AP1B1: variants seen among roughly 807,000 people sequenced by gnomAD.
AP1B1 encodes the protein AP-1 complex subunit beta-1.
In AP1B1, 36 loss-of-function variants were observed where a neutral mutation model predicts 104.3. The ratio of observed to expected loss-of-function variants is 0.35; its 90% confidence interval spans 0.26 to 0.46. The LOEUF (loss-of-function observed/expected upper bound fraction) is 0.46. Among genes scored for constraint, AP1B1 ranks in the 20% least tolerant of loss-of-function variants. The probability of loss-of-function intolerance (pLI) is 1.00; values close to 1 mark genes in which losing one functional copy is unlikely to be tolerated. For synonymous variants in AP1B1, 504 were observed against 517.5 expected (o/e 0.97, Z 0.35); for missense variants, 901 against 1,247.9 (o/e 0.72, Z 4.19).
Position 29,340,679 on chromosome 22 carries a change from G to T in AP1B1, c.1975C>A (p.Leu659Ile). 1 of 1,570,774 alleles carries T rather than the reference G, an allele frequency of 6.4e-7. No individual in the cohort carries two copies. The highest frequency in any genetic ancestry group is 2.3e-5 in the East Asian group (1 of 43,094). The change falls in exon 14 of 23, where the codon CTT (leucine) becomes ATT (isoleucine). Residue 659 changes from leucine to isoleucine, a missense_variant. Leu to Ile is a conservative substitution (Grantham distance 5). Around this residue, in one of 3 missense-constraint regions of AP1B1, gnomAD observed 424 missense variants for 494.0 expected, o/e 0.86. Transcript: ENST00000357586. ...SSVQMGAVDL[L>I]GGGLDSLMGD... Reference sequence around the variant, plus strand: ...ACCAGGCTGTCAAGGCCACCGCCAAGAAGGTCCACAGCTCCCATCTGCACC... The same window carrying T: ...ACCAGGCTGTCAAGGCCACCGCCAATAAGGTCCACAGCTCCCATCTGCACC...
rs375435939 is a variant in AP1B1 at position 29,358,738 on chromosome 22, G to A, written c.513C>T (p.Asp171=). The A allele has an allele frequency of 6.2e-7, 1 of 1,612,650 alleles. No homozygotes were observed. Among genetic ancestry groups the A allele is most frequent in the African/African-American group, 1.3e-5 (1 of 74,924 alleles). ...FLDTLKDLIS[D]SNPMVVANAV... The stretch of plus-strand genomic sequence containing the variant: ...GGCAGTGGCTTACCATGGGGTTAGA[G>A]TCGGAGATGAGGTCTTTAAGGGTGT... The change falls in exon 5 of 23, where the codon GAC becomes GAT. Residue 171 remains aspartate (D), a synonymous_variant. Transcript: ENST00000357586.
At chr22:29,359,778 A>C in intron 4 of AP1B1, 46 bp downstream of exon 4, 1 of 1,578,496 alleles carries the variant, frequency 6.3e-7, no homozygotes, top group Non-Finnish European at 8.6e-7. Flanking sequence ...GGGGAGACAG[A>C]GCCTTAAGCA....
intron 17 of AP1B1, chr22:29,332,161 C>G (rs2061571681): frequency 2.3e-6 from 1 of 433,044 alleles, no homozygotes; most frequent in Non-Finnish European, 4.1e-6. Flanking sequence ...GGCTGCAGGC[C>G]TGAAGCCCAG....
rs566593823 is a variant in AP1B1 at position 29,371,602 on chromosome 22, G to A, written c.-27-4332C>T. 7.2e-5 allele frequency among the ~76,000 whole-genome samples: 11 copies of A among 152,222 alleles called. No individual in the cohort carries two copies. In the East Asian group the frequency reaches 1.2e-3, roughly 16 times the overall value. ...AAAAATTAGCCGGGTGTGGTGGCAC[G>A]TGCCTGTAGTTCCAGTTACTCAGGA... On this transcript the variant is annotated intron_variant, in intron 1 of 22. Coordinates refer to ENST00000357586, the MANE Select transcript of AP1B1 (RefSeq NM_001127.4).
intron 10 of AP1B1, 137 bp downstream of exon 10, chr22:29,349,898 A>G: frequency 1.4e-6 from 1 of 737,162 alleles, no homozygotes; most frequent in Non-Finnish European, 2.3e-6. Context: ...ACGAAATAAA[A>G]AACAAAGGGT....
At chr22:29,377,195 CAAAAAAAAAAA>C (rs34466410) in intron 1 of AP1B1, among the ~76,000 whole-genome samples, 1 of 64,678 alleles carries the variant, frequency 1.5e-5, no homozygotes, top group Non-Finnish European at 2.7e-5. Flanking sequence ...GACCCTGTCT[CAAAAAAAAAAA>C]AAAAAAAAAA....
intron 6 of AP1B1, 103 bp from the exon 7 acceptor site, chr22:29,354,974 G>A (rs1203794845): frequency 2.3e-5 from 24 of 1,039,576 alleles, no homozygotes; most frequent in Admixed American, 1.1e-4. Flanking sequence ...GATAGTTCAC[G>A]CCTGTAATCC....
At chr22:29,334,077 C>T (rs551007051) in intron 17 of AP1B1, among the ~76,000 whole-genome samples, 188 bp downstream of exon 17, 2 of 152,110 alleles carry the variant, frequency 1.3e-5, no homozygotes, top group Non-Finnish European at 2.9e-5. Flanking sequence ...AAAGAAAAAA[C>T]AAACAAACAA....
rs966615357 is a variant in AP1B1 at position 29,328,621 on chromosome 22, G to A, written c.*200C>T. On this transcript the variant is annotated 3_prime_UTR_variant, in exon 23 of 23. Coordinates refer to ENST00000357586, the MANE Select transcript of AP1B1 (RefSeq NM_001127.4). This position sits in a 1 kb window ranked among gnomAD's most constrained non-coding sequence, Gnocchi z 4.1. Reference sequence around the variant, plus strand: ...CAGGAGCAGGGGTGTCCCAGAGCACGGGAGTGCACTGCGCTCTCACCCCAG... The same window carrying A: ...CAGGAGCAGGGGTGTCCCAGAGCACAGGAGTGCACTGCGCTCTCACCCCAG... The A allele has an allele frequency of 1.3e-5, 8 of 604,670 alleles. No individual in the cohort carries two copies. Among genetic ancestry groups the A allele is most frequent in the African/African-American group, 5.6e-5 (3 of 53,594 alleles). 37.5% of individuals were successfully genotyped at this position (604,670 alleles called of 1,614,324 possible).
intron 7 of AP1B1, among the ~76,000 whole-genome samples, chr22:29,352,158 A>G (rs1190996764): frequency 1.3e-5 from 2 of 152,204 alleles, no homozygotes; most frequent in African/African-American, 4.8e-5. Context: ...CTGTGACCTC[A>G]GGCCTGTTTC....
At position 29,351,209 on chromosome 22, in the gene AP1B1, C is replaced by A. The variant is rs762717971; in HGVS notation, c.1117G>T (p.Ala373Ser). 2 of 1,614,038 alleles carry A rather than the reference C, an allele frequency of 1.2e-6. No homozygotes were observed. The highest frequency in any genetic ancestry group is 1.1e-5 in the South Asian group (1 of 91,080). The change falls in exon 9 of 23, where the codon GCT becomes TCT. Residue 373 changes from alanine (A) to serine (S), a missense_variant. Coordinates refer to ENST00000357586, the MANE Select transcript of AP1B1 (RefSeq NM_001127.4). ...TEVDVDFVRKAVRAIGRCAIK... is the reference protein window; with the variant it reads ...TEVDVDFVRKSVRAIGRCAIK... ...GCGCAGCGGCCAATAGCACGCACAG[C>A]CTTCCGTACAAAGTCCACATCCACT...
At chr22:29,375,079 G>A (rs1054919494) in intron 1 of AP1B1, among the ~76,000 whole-genome samples, 11 of 152,202 alleles carry the variant, frequency 7.2e-5, no homozygotes, top group East Asian at 1.9e-4. Flanking sequence ...GGCCGGGCGC[G>A]GTGGCTCATG....
chr22:29,355,290 T>G (rs543768705), intron 6 of AP1B1, among the ~76,000 whole-genome samples: 2 of 151,840 alleles, frequency 1.3e-5, no homozygotes, highest in African/African-American at 4.8e-5. Context: ...GACCCTTCTC[T>G]ACTAAAAATA....
chr22:29,331,779 G>C lies in AP1B1; in HGVS notation c.2439+8C>G. The C allele has an allele frequency of 6.2e-7, 1 of 1,614,170 alleles. No homozygotes were observed. Among genetic ancestry groups the C allele is most frequent in the Non-Finnish European group, 8.5e-7 (1 of 1,180,028 alleles). Reference sequence around the variant, plus strand: ...AGGACTGGGGTGCCTGCCCTGCCCGGAACCCACCTGGAGGTTGTTCAGAGG... The same window carrying C: ...AGGACTGGGGTGCCTGCCCTGCCCGCAACCCACCTGGAGGTTGTTCAGAGG... On this transcript the variant is annotated splice_region_variant and intron_variant, in intron 18 of 22. Coordinates refer to ENST00000357586, the MANE Select transcript of AP1B1 (RefSeq NM_001127.4).
intron 1 of AP1B1, among the ~76,000 whole-genome samples, chr22:29,388,221 C>T (rs965237062): frequency 7.9e-5 from 12 of 152,132 alleles, no homozygotes; most frequent in Non-Finnish European, 1.8e-4. Flanking sequence ...ATGGGGCGGC[C>T]GAGGAACAGG....
chr22:29,340,714 G>T lies in AP1B1; in HGVS notation c.1940C>A (p.Ala647Asp). ...AGCTCCCATCTGCACCGAGGAGGTG[G>T]CCAGGGGTGGGCCGCTCACTGGGGG... ...LGPPVSGPPLATSSVQMGAVD... is the reference protein window; with the variant it reads ...LGPPVSGPPLDTSSVQMGAVD... The change falls in exon 14 of 23, where the codon GCC becomes GAC. Residue 647 changes from alanine (A) to aspartate (D), a missense_variant. By Grantham distance (126) the Ala-to-Asp change is moderately radical (BLOSUM62 -2). Coordinates refer to ENST00000357586, the MANE Select transcript of AP1B1 (RefSeq NM_001127.4). 1 of 1,590,144 alleles carries T rather than the reference G, an allele frequency of 6.3e-7. No homozygotes were observed. Among genetic ancestry groups the T allele is most frequent in the Non-Finnish European group, 8.6e-7 (1 of 1,168,772 alleles).
At chr22:29,330,341 G>C in intron 21 of AP1B1, 37 bp downstream of exon 21, 1 of 1,609,362 alleles carries the variant, frequency 6.2e-7, no homozygotes, top group Non-Finnish European at 8.5e-7. Context: ...ACGAAGGGGA[G>C]GCTCCAAGGC....
chr22:29,336,741 T>G (rs565018337), intron 16 of AP1B1, among the ~76,000 whole-genome samples: 2 of 150,738 alleles, frequency 1.3e-5, no homozygotes, highest in Non-Finnish European at 3.0e-5. Flanking sequence ...GAGACACAGG[T>G]TGCAGTGAGC....
chr22:29,362,898 A>G, intron 3 of AP1B1, 103 bp downstream of exon 3: 1 of 687,712 alleles, frequency 1.5e-6, no homozygotes, highest in Non-Finnish European at 2.7e-6. Flanking sequence ...GAGGGGAGAC[A>G]TGGGTCCCTA....
Sources: allele counts gnomAD v4.1 joint callset (sites outside exome capture counted in the v4.1 genomes callset), GRCh38; gene constraint gnomAD v4.1.1; regional missense constraint gnomAD v4.1.1; non-coding constraint Gnocchi (gnomAD v3.1); transcripts MANE v1.5; gene names NCBI Gene and HGNC (gene_info 2026-07-23, HGNC 2026-07-21).